TACR3: variants seen among roughly 807,000 people sequenced by gnomAD.
TACR3 encodes tachykinin receptor 3.
TACR3 carries 34 observed loss-of-function variants against 35.0 expected under a neutral mutation model. The ratio of observed to expected loss-of-function variants is 0.97; its 90% CI spans 0.74 to 1.30. The LOEUF is 1.30. TACR3 is among the 50% of genes most tolerant of loss of function. The pLI is 0.00. For missense variants in TACR3, 558 were observed against 591.7 expected, an observed-to-expected ratio of 0.94 and a Z score of 0.59; for synonymous variants, 233 against 221.1, an observed-to-expected ratio of 1.05 and a Z score of -0.48.
At chr4:103,595,193 C>T (rs190714548) in intron 3 of TACR3, among the ~76,000 whole-genome samples, 2 of 152,266 alleles carry the variant, frequency 1.3e-5, no homozygotes, top group East Asian at 3.9e-4. Flanking sequence ...GGTACTAGTG[C>T]AGGCAGGCTA....
At chr4:103,633,295 A>G (rs1725108349) in intron 3 of TACR3, among the ~76,000 whole-genome samples, 2 of 152,246 alleles carry the variant, frequency 1.3e-5, no homozygotes, top group South Asian at 2.1e-4. Flanking sequence ...AAATAAAGAA[A>G]TATTGAGCAT....
chr4:103,645,512 C>A (rs1490983138), intron 3 of TACR3, among the ~76,000 whole-genome samples: 1 of 151,778 alleles, frequency 6.6e-6, no homozygotes, highest in African/African-American at 2.4e-5. Context: ...AATTAATGCA[C>A]AAAAAACTAT....
intron 1 of TACR3, among the ~76,000 whole-genome samples, chr4:103,699,884 T>C (rs1212386586): frequency 6.6e-6 from 1 of 152,068 alleles, no homozygotes; most frequent in African/African-American, 2.4e-5. Context: ...GATGGCGATG[T>C]TGAGGAGGCT....
At chr4:103,647,211 A>G (rs1054892242) in intron 3 of TACR3, among the ~76,000 whole-genome samples, 3 of 151,924 alleles carry the variant, frequency 2.0e-5, no homozygotes, top group African/African-American at 4.8e-5. Flanking sequence ...AAAGACATAA[A>G]GTTTCAAATT....
At chr4:103,625,892 A>G (rs1262582124) in intron 3 of TACR3, among the ~76,000 whole-genome samples, 2 of 152,182 alleles carry the variant, frequency 1.3e-5, no homozygotes, top group Admixed American at 1.3e-4. Flanking sequence ...CTGTAATCCA[A>G]AAATAACTGT....
At chr4:103,625,747 G>C (rs986161326) in intron 3 of TACR3, among the ~76,000 whole-genome samples, 1 of 152,144 alleles carries the variant, frequency 6.6e-6, no homozygotes, top group Non-Finnish European at 1.5e-5. Context: ...AATAACCTCT[G>C]TGTTATCTGC....
At chr4:103,611,512 T>C (rs1387823313) in intron 3 of TACR3, among the ~76,000 whole-genome samples, 1 of 151,972 alleles carries the variant, frequency 6.6e-6, no homozygotes, top group East Asian at 1.9e-4. Flanking sequence ...AGAGGGGGAG[T>C]AAAATTTGTT....
chr4:103,658,120 G>T, intron 2 of TACR3, 95 bp downstream of exon 2: 1 of 1,218,532 alleles, frequency 8.2e-7, no homozygotes, highest in Non-Finnish European at 1.2e-6. Flanking sequence ...GAACCCTGGG[G>T]GAAATGTCAG....
chr4:103,681,791 A>C (rs577865074), intron 1 of TACR3, among the ~76,000 whole-genome samples: 4 of 152,268 alleles, frequency 2.6e-5, no homozygotes, highest in East Asian at 3.9e-4. Flanking sequence ...GCACTGAGTC[A>C]AACAAGAGCA....
chr4:103,691,290 C>T (rs80328778), intron 1 of TACR3, among the ~76,000 whole-genome samples: 4,863 of 152,216 alleles, frequency 0.032, 114 homozygotes, highest in Non-Finnish European at 0.05. Context: ...TCTTGATACA[C>T]GGATTAACTT....
rs540940228 is a variant in TACR3, at chr4:103,606,025, T to C, written c.889-14342A>G. 4.1e-4 allele frequency among the ~76,000 whole-genome samples: 63 copies of C among 152,052 alleles called. No individual in the cohort carries two copies. In the East Asian group the frequency reaches 0.011, roughly 26 times the overall value. On this transcript the variant is annotated intron_variant, in intron 3 of 4. Coordinates refer to ENST00000304883, the MANE Select transcript of TACR3 (RefSeq NM_001059.3). Reference sequence around the variant, plus strand: ...TATAAGGTGTAAGGAAGGGATCCAGTTTCAGCTTTCTACATATGGCTAGCC... The same window carrying C: ...TATAAGGTGTAAGGAAGGGATCCAGCTTCAGCTTTCTACATATGGCTAGCC...
At chr4:103,624,535 A>G (rs181798974) in intron 3 of TACR3, 6 of 152,300 alleles carry the variant, frequency 3.9e-5, no homozygotes, top group Admixed American at 2.6e-4. Flanking sequence ...TGCTGAGTAA[A>G]GTATATAGGT....
chr4:103,636,474 G>A (rs1725192974), intron 3 of TACR3, among the ~76,000 whole-genome samples: 1 of 151,756 alleles, frequency 6.6e-6, no homozygotes. Context: ...CATTTTGGTT[G>A]GCTTACCACA....
chr4:103,667,269 A>G (rs572518294), intron 1 of TACR3, among the ~76,000 whole-genome samples: 105 of 152,084 alleles, frequency 6.9e-4, no homozygotes, highest in African/African-American at 2.4e-3. Context: ...AAACAAAACA[A>G]AACAAAACAA....
intron 3 of TACR3, among the ~76,000 whole-genome samples, chr4:103,606,331 C>A (rs1417457230): frequency 6.6e-6 from 1 of 151,980 alleles, no homozygotes; most frequent in African/African-American, 2.4e-5. Context: ...TCCATATGAA[C>A]TTTAAAGTAG....
intron 1 of TACR3, among the ~76,000 whole-genome samples, chr4:103,684,490 C>T (rs1229328522): frequency 6.6e-6 from 1 of 151,998 alleles, no homozygotes; most frequent in Non-Finnish European, 1.5e-5. Flanking sequence ...AGGCATGTAG[C>T]TATCAAAACA....
rs1723150116 is a variant in TACR3, at chr4:103,719,045, C to T, written c.548+83G>A. 1.1e-5 allele frequency: 18 copies of T among 1,572,960 alleles called. 1 individual carries two copies. In the Admixed American group the frequency reaches 3.2e-4, roughly 28 times the overall value. On this transcript the variant is annotated intron_variant, in intron 1 of 4. Transcript: ENST00000304883. ...TACTTTTATAGACCCCGTTACGTTA[C>T]TATTTCCTTTGTAATCTTATCCCAC...
intron 1 of TACR3, among the ~76,000 whole-genome samples, chr4:103,684,861 C>T (rs1030936958): frequency 1.3e-5 from 2 of 151,798 alleles, no homozygotes; most frequent in Admixed American, 1.3e-4. Context: ...AAAAATTAGC[C>T]TAGTGTGTTG....
Position 103,682,076 on chromosome 4 carries a change from AATT to A in TACR3, c.549-23676_549-23674del, listed in dbSNP as rs1285833698. ...TTAGTAGCTTAATACTTTAAAAATT[AATT>A]ATTATTATTCACCCACTCTTATTCT... On this transcript the variant is annotated intron_variant, in intron 1 of 4. Coordinates refer to ENST00000304883, the MANE Select transcript of TACR3 (RefSeq NM_001059.3). 2.6e-5 allele frequency among the ~76,000 whole-genome samples: 4 copies of A among 152,240 alleles called. No homozygotes were observed. In the East Asian group the frequency reaches 5.8e-4, roughly 22 times the overall value.
Sources: allele counts gnomAD v4.1 joint callset (sites outside exome capture counted in the v4.1 genomes callset), GRCh38; gene constraint gnomAD v4.1.1; transcripts MANE v1.5; gene names NCBI Gene and HGNC (gene_info 2026-07-23, HGNC 2026-07-21).